The following MMP3 variants were observed in gnomAD, a reference collection of about 807,000 sequenced individuals.
The protein encoded by MMP3 is matrix metallopeptidase 3, also known as stromelysin-1.
A neutral mutation model predicts 47.3 loss-of-function variants in MMP3; 46 were observed. That is an observed-to-expected ratio of 0.97 (90% CI 0.77 to 1.24). The LOEUF (loss-of-function observed/expected upper bound fraction) is 1.24. MMP3 is among the 50% of genes most tolerant of loss of function. MMP3 has a pLI of 0.00. For missense variants in MMP3, 558 were observed against 565.5 expected (o/e 0.99, Z 0.13); for synonymous variants, 216 against 206.5 (o/e 1.05, Z -0.39).
intron 4 of MMP3, among the ~76,000 whole-genome samples, chr11:102,841,213 T>C (rs940794975): frequency 5.9e-5 from 9 of 152,146 alleles, no homozygotes; most frequent in Non-Finnish European, 1.0e-4. Flanking sequence ...TATTCAAAAT[T>C]TTTTCCTTCA....
chr11:102,840,448 A>T lies in MMP3; in HGVS notation c.771T>A (p.Asn257Lys). 4 of 1,614,026 alleles carry T rather than the reference A, an allele frequency of 2.5e-6. No individual in the cohort carries two copies. The highest frequency in any genetic ancestry group is 3.4e-6 in the Non-Finnish European group (4 of 1,179,988). Residue 257 changes from asparagine (N) to lysine (K), a missense_variant, in exon 5 of 10, where the codon AAT (asparagine) becomes AAA (lysine). Physicochemically the swap from Asn to Lys is moderately conservative, Grantham distance 94. Coordinates refer to ENST00000299855, the MANE Select transcript of MMP3 (RefSeq NM_002422.5). The stretch of plus-strand genomic sequence containing the variant: ...ACTCACCATAGAGGGACTGAATGCC[A>T]TTTATATCATCTTGAGACAGGCGGA... ...TRFRLSQDDINGIQSLYGPPP... is the reference protein window; with the variant it reads ...TRFRLSQDDIKGIQSLYGPPP...
In MMP3 at chr11:102,841,209, A is replaced by G. The variant is rs567741658; in HGVS notation, c.626-616T>C. ...AATACATAAACACTGGCTTTATTCA[A>G]AATTTTTTCCTTCATATTTTTAAAA... On this transcript the variant is annotated intron_variant, in intron 4 of 9. Coordinates refer to ENST00000299855, the MANE Select transcript of MMP3 (RefSeq NM_002422.5). Among the ~76,000 whole-genome samples the G allele has an allele frequency of 3.3e-5, 5 of 152,344 alleles. No homozygotes were observed. The South Asian group carries it at 1.0e-3, about 32-fold the overall frequency.
chr11:102,843,483 C>T lies in MMP3; in HGVS notation c.64G>A (p.Gly22Arg). The change falls in exon 1 of 10, where the codon GGA becomes AGA. Residue 22 changes from glycine (G) to arginine (R), a missense_variant. Coordinates refer to ENST00000299855, the MANE Select transcript of MMP3 (RefSeq NM_002422.5). ...VAVCSAYPLDGAARGEDTSMN... is the reference protein window; with the variant it reads ...VAVCSAYPLDRAARGEDTSMN... Reference sequence around the variant, plus strand: ...CTGGTGTCCTCACCCCTTGCAGCTCCATCCAATGGATAGGCTGAGCAAACT... The same window carrying T: ...CTGGTGTCCTCACCCCTTGCAGCTCTATCCAATGGATAGGCTGAGCAAACT... 1 of 1,613,774 alleles carries T rather than the reference C, an allele frequency of 6.2e-7. No individual in the cohort carries two copies. The highest frequency in any genetic ancestry group is 8.5e-7 in the Non-Finnish European group (1 of 1,179,820).
intron 3 of MMP3, 67 bp from the exon 4 acceptor site, chr11:102,842,346 A>G (rs1433828771): frequency 2.6e-6 from 4 of 1,566,048 alleles, no homozygotes; most frequent in Admixed American, 2.0e-5. Flanking sequence ...TTCCAGTACA[A>G]CAACACCAGA....
chr11:102,838,675 G>C lies in MMP3; in HGVS notation c.1105C>G (p.Arg369Gly), dbSNP rs142121549. 2 of 1,612,934 alleles carry C rather than the reference G, an allele frequency of 1.2e-6. No homozygotes were observed. Among genetic ancestry groups the C allele is most frequent in the African/African-American group, 1.3e-5 (1 of 74,880 alleles). ...TGGATGCCTCTTGGGTATCCAGCTC[G>C]TACCTCATTTCCTCTGATAGCCCAG... ...QFWAIRGNEV[R>G]AGYPRGIHTL... The change falls in exon 8 of 10, where the codon CGA becomes GGA. Residue 369 changes from arginine to glycine, a missense_variant. By Grantham distance (125) the Arg-to-Gly change is moderately radical (BLOSUM62 -2). Coordinates refer to ENST00000299855, the MANE Select transcript of MMP3 (RefSeq NM_002422.5).
In MMP3 at chr11:102,843,465, C is replaced by G. The variant is rs572386210; in HGVS notation, c.82G>C (p.Asp28His). The G allele has an allele frequency of 6.2e-7, 1 of 1,613,604 alleles. No homozygotes were observed. Among genetic ancestry groups the G allele is most frequent in the Admixed American group, 1.7e-5 (1 of 59,946 alleles). Residue 28 changes from aspartate to histidine, a missense_variant, in exon 1 of 10, where the codon GAC (aspartate) becomes CAC (histidine). Physicochemically the swap from Asp to His is moderately conservative, Grantham distance 81. Transcript: ENST00000299855. ...ACCTGAACAAGGTTCATGCTGGTGT[C>G]CTCACCCCTTGCAGCTCCATCCAAT... ...YPLDGAARGE[D>H]TSMNLVQKYL...
At chr11:102,841,604 C>CTTCT (rs1284481800) in intron 4 of MMP3, among the ~76,000 whole-genome samples, 1 of 151,580 alleles carries the variant, frequency 6.6e-6, no homozygotes, top group Non-Finnish European at 1.5e-5. Flanking sequence ...GAGAAACATT[C>CTTCT]TTCTACCTAA....
intron 3 of MMP3, 28 bp downstream of exon 3, chr11:102,842,403 G>GCTTTTTTTTTTTTTTTTTTTTTTTT: frequency 2.2e-6 from 2 of 918,296 alleles, no homozygotes; most frequent in Non-Finnish European, 2.7e-6. Context: ...GTTTTGTTTT[G>GCTTTTTTTTTTTTTTTTTTTTTTTT]CTTTTTTTTT....
chr11:102,840,491 AG>A lies in MMP3; in HGVS notation c.727del (p.Leu243SerfsTer4), dbSNP rs782809423. On this transcript the variant is annotated frameshift_variant, in exon 5 of 10. Transcript: ENST00000299855. LOFTEE classifies it high-confidence loss of function. ...EALMYPLYHS[L>X]TDLTRFRLSQ... The stretch of plus-strand genomic sequence containing the variant: ...CAGGCGGAACCGAGTCAGGTCTGTG[AG>A]TGAGTGATAGAGTGGGTACATCAAA... The A allele has an allele frequency of 1.4e-5, 22 of 1,613,958 alleles. No homozygotes were observed. The highest frequency in any genetic ancestry group is 1.4e-5 in the Non-Finnish European group (17 of 1,179,990).
In MMP3 at chr11:102,839,257, A is replaced by C; in HGVS notation, c.936-14T>G. The C allele has an allele frequency of 6.2e-7, 1 of 1,613,068 alleles. No individual in the cohort carries two copies. The highest frequency in any genetic ancestry group is 1.1e-5 in the South Asian group (1 of 90,826). ...CGCCAAAAGTGCCTAAAATATATGT[A>C]AAAAGAAATGTAAATTGAAAAACAA... On this transcript the variant is annotated splice_polypyrimidine_tract_variant and intron_variant, in intron 6 of 9. Transcript: ENST00000299855.
rs11418340 is a variant in MMP3 at position 102,842,404 on chromosome 11, C to CTTTTTTTTT, written c.499+18_499+26dup. On this transcript the variant is annotated intron_variant, in intron 3 of 9. Coordinates refer to ENST00000299855, the MANE Select transcript of MMP3 (RefSeq NM_002422.5). The stretch of plus-strand genomic sequence containing the variant: ...GTGTTTTTTGTTTTGTTTTGTTTTG[C>CTTTTTTTTT]TTTTTTTTTTTTTTTTTTTTTTTTA... 281 of 813,242 alleles carry CTTTTTTTTT rather than the reference C, an allele frequency of 3.5e-4. 3 individuals are homozygous for CTTTTTTTTT. The highest frequency in any genetic ancestry group is 1.2e-3 in the South Asian group (42 of 36,122). The allele number at this position is 813,242 out of a possible 1,614,324, so 50.4% of individuals were successfully genotyped here.
chr11:102,837,327 G>C lies in MMP3; in HGVS notation c.1304C>G (p.Ser435Ter). ...QIAEDFPGIDSKIDAVFEEFG... is the reference protein window; with the variant it reads ...QIAEDFPGID ...TTCTTCAAAAACAGCATCAATCTTT[G>C]AGTCAATCCCTGGAAAGTCTTCAGC... Residue 435 changes from serine to a stop codon, truncating the protein, a stop_gained, in exon 9 of 10, where the codon TCA (serine) becomes TGA (stop). Coordinates refer to ENST00000299855, the MANE Select transcript of MMP3 (RefSeq NM_002422.5). LOFTEE classifies it high-confidence loss of function. The surrounding 1 kb of genome is among the most constrained non-coding windows in gnomAD (Gnocchi z 4.4). 2 of 1,613,348 alleles carry C rather than the reference G, an allele frequency of 1.2e-6. No homozygotes were observed. Among genetic ancestry groups the C allele is most frequent in the East Asian group, 2.2e-5 (1 of 44,864 alleles).
chr11:102,839,321 C>T, intron 6 of MMP3, 78 bp from the exon 7 acceptor site: 5 of 1,528,432 alleles, frequency 3.3e-6, no homozygotes, highest in Middle Eastern at 2.0e-4. Context: ...CGTCTTGCCT[C>T]ACCCAGCTTC....
In MMP3 at chr11:102,837,388, T is replaced by C. The variant is rs1555004756; in HGVS notation, c.1243A>G (p.Arg415Gly). Residue 415 changes from arginine (R) to glycine (G), a missense_variant, in exon 9 of 10, where the codon AGA becomes GGA. Physicochemically the swap from Arg to Gly is moderately radical, Grantham distance 125 (BLOSUM62 -2). Transcript: ENST00000299855. This position sits in a 1 kb window ranked among gnomAD's most constrained non-coding sequence, Gnocchi z 4.4. ...EDKYWRFDEK[R>G]NSMEPGFPKQ... ...GGAAAGCCTGGCTCCATGGAATTTC[T>C]CTTCTCATCAAATCTGTACCAAGTA... 6.2e-7 allele frequency: 1 copy of C among 1,613,710 alleles called. No homozygotes were observed. Among genetic ancestry groups the C allele is most frequent in the Non-Finnish European group, 8.5e-7 (1 of 1,179,750 alleles).
At chr11:102,842,622 T>C in intron 2 of MMP3, 43 bp from the exon 3 acceptor site, 1 of 1,613,480 alleles carries the variant, frequency 6.2e-7, no homozygotes, top group South Asian at 1.1e-5. Context: ...TCTCCTATGA[T>C]ATAGTTTATA....
intron 4 of MMP3, among the ~76,000 whole-genome samples, 171 bp downstream of exon 4, chr11:102,841,983 A>G (rs1859005996): frequency 6.6e-6 from 1 of 152,234 alleles, no homozygotes; most frequent in South Asian, 2.1e-4. Flanking sequence ...GAAAACTGTT[A>G]AAGCATCTGA....
intron 4 of MMP3, among the ~76,000 whole-genome samples, chr11:102,840,862 C>G (rs544428650): frequency 2.0e-5 from 3 of 151,982 alleles, no homozygotes; most frequent in South Asian, 2.1e-4. Context: ...CCCAGCCTCA[C>G]AAGCATATTA....
Position 102,842,985 on chromosome 11 carries a change from T to C in MMP3, c.106-69A>G, listed in dbSNP as rs188332599. ...ACTATAGCTATCTATTTATAGTAAG[T>C]TTTTGCAGTTGCTCACTTCTTAATC... On this transcript the variant is annotated intron_variant, in intron 1 of 9. Coordinates refer to ENST00000299855, the MANE Select transcript of MMP3 (RefSeq NM_002422.5). 260 of 1,335,704 alleles carry C rather than the reference T, an allele frequency of 1.9e-4. 2 individuals are homozygous for C. The African/African-American group carries it at 3.4e-3, about 18-fold the overall frequency. The allele number at this position is 1,335,704 out of a possible 1,614,324, so 82.7% of individuals were successfully genotyped here.
intron 4 of MMP3, among the ~76,000 whole-genome samples, chr11:102,841,272 T>C (rs1274142711): frequency 6.6e-6 from 1 of 152,184 alleles, no homozygotes; most frequent in Non-Finnish European, 1.5e-5. Context: ...ATTGGGTAAT[T>C]ATGATCAATA....
Sources: gnomAD v4.1 joint callset for allele counts (sites outside exome capture counted in the v4.1 genomes callset) on GRCh38, gnomAD v4.1.1 for gene constraint, Gnocchi (gnomAD v3.1) non-coding constraint, MANE v1.5 for transcripts, NCBI Gene and HGNC (gene_info 2026-07-23, HGNC 2026-07-21) for gene names.